The following PLCL1 variants were observed in gnomAD, a reference collection of about 807,000 sequenced individuals.
PLCL1 encodes the protein phospholipase C like 1 (inactive).
Under a neutral mutation model 84.4 loss-of-function variants are expected in PLCL1, and 41 were observed. That is an observed-to-expected ratio of 0.49 (90% CI 0.38 to 0.63). PLCL1 has a LOEUF of 0.63. PLCL1 is among the 30% of genes least tolerant of loss of function. The pLI, the probability that PLCL1 is intolerant of heterozygous loss-of-function variation, is 0.00. For missense variants in PLCL1, 1,206 were observed against 1,367.8 expected (o/e 0.88, Z 1.87); for synonymous variants, 490 against 488.3 (o/e 1.00, Z -0.05).
intron 1 of PLCL1, among the ~76,000 whole-genome samples, chr2:197,878,013 T>C (rs1335137219): frequency 6.6e-6 from 1 of 152,124 alleles, no homozygotes; most frequent in African/African-American, 2.4e-5. Context: ...GGGTAAATAG[T>C]TGGGAAATAT....
intron 5 of PLCL1, among the ~76,000 whole-genome samples, chr2:198,106,029 A>T (rs549819072): frequency 6.6e-6 from 1 of 152,048 alleles, no homozygotes; most frequent in South Asian, 2.1e-4. Context: ...AAGAACACTC[A>T]TTTTGTGCTA....
At chr2:197,936,130 C>CG (rs1689046965) in intron 1 of PLCL1, among the ~76,000 whole-genome samples, 1 of 105,480 alleles carries the variant, frequency 9.5e-6, no homozygotes, top group Admixed American at 9.3e-5. Flanking sequence ...ATATATTAAA[C>CG]ACCCCCCCCC....
At chr2:198,083,574 A>ATCCTGTAAT (rs1692776320) in intron 1 of PLCL1, among the ~76,000 whole-genome samples, 184 bp from the exon 2 acceptor site, 1 of 152,184 alleles carries the variant, frequency 6.6e-6, no homozygotes, top group Admixed American at 6.5e-5. Flanking sequence ...TTTTGCCTGA[A>ATCCTGTAAT]TCCTGTAATT....
intron 1 of PLCL1, among the ~76,000 whole-genome samples, chr2:197,923,180 G>T (rs1279882559): frequency 8.9e-6 from 1 of 112,898 alleles, no homozygotes; most frequent in Non-Finnish European, 1.9e-5. Flanking sequence ...CTCACCTCCC[G>T]GACGGGGCGG....
At chr2:197,954,847 T>C (rs1689454684) in intron 1 of PLCL1, among the ~76,000 whole-genome samples, 1 of 152,086 alleles carries the variant, frequency 6.6e-6, no homozygotes, top group African/African-American at 2.4e-5. Flanking sequence ...TAATTTTGAT[T>C]TATTTTAATT....
chr2:198,077,699 T>G (rs1692613206), intron 1 of PLCL1, among the ~76,000 whole-genome samples: 1 of 152,188 alleles, frequency 6.6e-6, no homozygotes, highest in Non-Finnish European at 1.5e-5. Flanking sequence ...CCTGGAGGTT[T>G]GACTCATATA....
intron 1 of PLCL1, among the ~76,000 whole-genome samples, chr2:198,021,565 A>T (rs1691134881): frequency 6.6e-6 from 1 of 152,194 alleles, no homozygotes; most frequent in South Asian, 2.1e-4. Flanking sequence ...AGGGGAGATC[A>T]CCACTGGTCC....
At chr2:197,954,753 A>G (rs1253697166) in intron 1 of PLCL1, among the ~76,000 whole-genome samples, 1 of 152,066 alleles carries the variant, frequency 6.6e-6, no homozygotes, top group African/African-American at 2.4e-5. Context: ...TGGGATATGC[A>G]CTATTTCTAA....
At chr2:198,120,034 G>A (rs188877486) in intron 5 of PLCL1, among the ~76,000 whole-genome samples, 4 of 152,100 alleles carry the variant, frequency 2.6e-5, no homozygotes, top group Non-Finnish European at 5.9e-5. Context: ...TGTGTCCAAC[G>A]TCACCATTGG....
At chr2:197,947,391 G>A (rs746723577) in intron 1 of PLCL1, among the ~76,000 whole-genome samples, 2 of 152,124 alleles carry the variant, frequency 1.3e-5, no homozygotes, top group Non-Finnish European at 2.9e-5. Context: ...TAGGGGCCTG[G>A]TGTGGGGCGT....
chr2:197,896,946 A>T (rs1450408942), intron 1 of PLCL1, among the ~76,000 whole-genome samples: 1 of 152,058 alleles, frequency 6.6e-6, no homozygotes, highest in African/African-American at 2.4e-5. Flanking sequence ...GATAGAAAGA[A>T]GATAAAAACC....
At chr2:198,125,944 A>T (rs1292064389) in intron 5 of PLCL1, among the ~76,000 whole-genome samples, 2 of 152,182 alleles carry the variant, frequency 1.3e-5, no homozygotes, top group East Asian at 3.9e-4. Context: ...TGCTTTAGCG[A>T]CACAACAGAT....
intron 1 of PLCL1, among the ~76,000 whole-genome samples, chr2:197,977,520 A>G (rs7587598): frequency 0.41 from 62,853 of 151,958 alleles, 13,612 homozygotes; most frequent in Middle Eastern, 0.58. Context: ...TCCAATTCCA[A>G]TCTTATCAAG....
chr2:197,887,484 G>A (rs1020405928), intron 1 of PLCL1, among the ~76,000 whole-genome samples: 8 of 151,996 alleles, frequency 5.3e-5, no homozygotes, highest in African/African-American at 1.5e-4. Flanking sequence ...TTGTAAAATC[G>A]CCCTCAAAAA....
intron 1 of PLCL1, among the ~76,000 whole-genome samples, chr2:197,941,001 A>G (rs1245528182): frequency 6.6e-6 from 1 of 152,124 alleles, no homozygotes; most frequent in Non-Finnish European, 1.5e-5. Context: ...ACTTGCTGAT[A>G]TGCTTTTTAA....
chr2:197,905,005 C>A (rs1411157357), intron 1 of PLCL1, among the ~76,000 whole-genome samples: 1 of 152,080 alleles, frequency 6.6e-6, no homozygotes, highest in African/African-American at 2.4e-5. Flanking sequence ...TCAGGGCATG[C>A]CATAGGTGAC....
chr2:198,117,994 A>G (rs867330554), intron 5 of PLCL1, among the ~76,000 whole-genome samples: 2 of 151,998 alleles, frequency 1.3e-5, no homozygotes, highest in Middle Eastern at 3.4e-3. Flanking sequence ...GTTATATCAT[A>G]GGCTCGTTTC....
intron 1 of PLCL1, among the ~76,000 whole-genome samples, chr2:198,002,312 C>T (rs1222515087): frequency 1.3e-5 from 2 of 151,922 alleles, no homozygotes; most frequent in East Asian, 1.9e-4. Context: ...CCTTTGAGAA[C>T]ATATGTATGC....
chr2:197,930,761 C>T (rs1329185798), intron 1 of PLCL1, among the ~76,000 whole-genome samples: 1 of 152,168 alleles, frequency 6.6e-6, no homozygotes, highest in East Asian at 1.9e-4. Flanking sequence ...CCTACCAGGA[C>T]ACATATGGAG....
Sources: gnomAD v4.1 joint callset for allele counts (sites outside exome capture counted in the v4.1 genomes callset) on GRCh38, gnomAD v4.1.1 for gene constraint, MANE v1.5 for transcripts, NCBI Gene and HGNC (gene_info 2026-07-23, HGNC 2026-07-21) for gene names.